TTLL12: variants seen among roughly 807,000 people sequenced by gnomAD.
TTLL12 encodes tubulin tyrosine ligase like 12.
A neutral mutation model predicts 79.6 loss-of-function variants in TTLL12; 77 were observed. The ratio of observed to expected loss-of-function variants is 0.97; its 90% CI spans 0.81 to 1.17. The LOEUF (loss-of-function observed/expected upper bound fraction) is 1.17, where lower values mean the gene tolerates loss of function less well. Ranked by LOEUF, TTLL12 falls within the 50% of genes most tolerant of loss-of-function variation. The pLI, the probability that TTLL12 is intolerant of heterozygous loss-of-function variation, is 0.00. For missense variants in TTLL12, 969 were observed against 895.9 expected (o/e 1.08, Z -1.04); for synonymous variants, 437 against 376.1 (o/e 1.16, Z -1.87).
In TTLL12 at chr22:43,167,519, G is replaced by A. The variant is rs1023560491; in HGVS notation, c.*489C>T. 13 of 208,434 alleles carry A rather than the reference G, an allele frequency of 6.2e-5. No individual in the cohort carries two copies. The highest frequency in any genetic ancestry group is 9.3e-5 in the African/African-American group (4 of 42,922). The allele number at this position is 208,434 out of a possible 1,614,324, so 12.9% of individuals were successfully genotyped here. A position where few individuals can be genotyped will look rare whatever the true frequency, so the allele number is the denominator to read the frequency against. ...TGTGGGGCCCCACAGCCGTCCCGGG[G>A]TCGTCCTGATGCATAAGAGCAGAGA... On this transcript the variant is annotated 3_prime_UTR_variant, in exon 14 of 14. Transcript: ENST00000216129.
Position 43,168,906 on chromosome 22 carries a change from T to C in TTLL12, c.1651A>G (p.Ile551Val), listed in dbSNP as rs371460098. The C allele has an allele frequency of 5.0e-5, 80 of 1,609,702 alleles. No individual in the cohort carries two copies. The highest frequency in any genetic ancestry group is 1.7e-4 in the Middle Eastern group (1 of 5,946). The part of the protein sequence containing the change: ...EFPWTDVQAE[I>V]FRAFTELFQV... ...AACAGCTCCGTGAAGGCCCGGAAGA[T>C]CTCAGCCTGGGGACCGGGGAGCCTG... Residue 551 changes from isoleucine (I) to valine (V), a missense_variant, in exon 13 of 14, where the codon ATC (isoleucine) becomes GTC (valine). By Grantham distance (29) the Ile-to-Val change is conservative. Coordinates refer to ENST00000216129, the MANE Select transcript of TTLL12 (RefSeq NM_015140.4).
chr22:43,184,696 C>T (rs552570312), intron 1 of TTLL12, among the ~76,000 whole-genome samples: 18 of 152,318 alleles, frequency 1.2e-4, no homozygotes, highest in South Asian at 4.1e-4. Flanking sequence ...GCTCAGAGGG[C>T]TGGAATCCAG....
Position 43,173,778 on chromosome 22 carries a change from G to A in TTLL12, c.1278C>T (p.Ser426=), listed in dbSNP as rs766439180. 2 of 1,605,016 alleles carry A rather than the reference G, an allele frequency of 1.2e-6. No homozygotes were observed. The highest frequency in any genetic ancestry group is 2.2e-5 in the East Asian group (1 of 44,872). ...WICKPWNLAR[S]LDTHVTKSLH... ...GGCTCTTGGTGACGTGGGTGTCCAG[G>A]CTGCGCGCCAGGTTCCAGGGCTTGC... Residue 426 remains serine, a synonymous_variant, in exon 9 of 14, where the codon AGC becomes AGT. Transcript: ENST00000216129.
chr22:43,171,793 T>C (rs746085174), intron 11 of TTLL12, 26 bp downstream of exon 11: 4 of 1,608,800 alleles, frequency 2.5e-6, no homozygotes, highest in Non-Finnish European at 3.4e-6. Flanking sequence ...TGTGTGAACC[T>C]GCTCTGCACC....
In TTLL12 at chr22:43,176,315, C is replaced by T. The variant is rs762373702; in HGVS notation, c.917+5G>A. ...CAGCCCAAGCAGTGGGGGGGGGCTA[C>T]GCACTTGAAGATGTGGCCGTGGGGG... On this transcript the variant is annotated splice_donor_5th_base_variant and intron_variant, in intron 6 of 13. Transcript: ENST00000216129. 30 of 1,582,982 alleles carry T rather than the reference C, an allele frequency of 1.9e-5. No individual in the cohort carries two copies. Among genetic ancestry groups the T allele is most frequent in the African/African-American group, 5.4e-5 (4 of 74,630 alleles).
intron 1 of TTLL12, chr22:43,186,089 C>CT (rs1169302472): frequency 2.2e-6 from 2 of 889,310 alleles, no homozygotes; most frequent in Admixed American, 1.2e-4. Flanking sequence ...GGTCCCTGTT[C>CT]TTGGCTCTGG....
At chr22:43,181,176 C>G (rs1022293690) in intron 2 of TTLL12, among the ~76,000 whole-genome samples, 4 of 152,182 alleles carry the variant, frequency 2.6e-5, no homozygotes, top group Admixed American at 2.0e-4. Context: ...TCAAGCTTCT[C>G]AAACAGGGCA....
At chr22:43,175,569 G>C (rs1931884164) in intron 6 of TTLL12, 1 of 152,274 alleles carries the variant, frequency 6.6e-6, no homozygotes, top group African/African-American at 2.4e-5. Context: ...ACAGGGGTGG[G>C]ATGGGGACCA....
In TTLL12 at chr22:43,176,309, G is replaced by GA. The variant is rs776680495; in HGVS notation, c.917+10_917+11insT. 9 of 1,577,710 alleles carry GA rather than the reference G, an allele frequency of 5.7e-6. No individual in the cohort carries two copies. The highest frequency in any genetic ancestry group is 6.9e-6 in the Non-Finnish European group (8 of 1,159,362). On this transcript the variant is annotated intron_variant, in intron 6 of 13. Coordinates refer to ENST00000216129, the MANE Select transcript of TTLL12 (RefSeq NM_015140.4). ...AAGTCCCAGCCCAAGCAGTGGGGGG[G>GA]GGCTACGCACTTGAAGATGTGGCCG...
intron 1 of TTLL12, 111 bp from the exon 2 acceptor site, chr22:43,183,260 C>T: frequency 2.2e-6 from 3 of 1,352,536 alleles, no homozygotes; most frequent in East Asian, 2.3e-5. Flanking sequence ...CAAGGACAAA[C>T]TTGTCTCCTT....
intron 1 of TTLL12, among the ~76,000 whole-genome samples, chr22:43,186,423 A>G (rs1243951575): frequency 6.6e-6 from 1 of 152,228 alleles, no homozygotes; most frequent in Non-Finnish European, 1.5e-5. Context: ...TTAACCTGCA[A>G]GATGAGGGGA....
rs554019706 is a variant in TTLL12 at position 43,186,917 on chromosome 22, G to A, written c.153C>T (p.Arg51=). The A allele has an allele frequency of 6.6e-4, 890 of 1,357,792 alleles. 19 individuals are homozygous for A. The South Asian group carries it at 0.013, about 20-fold the overall frequency. The allele number at this position is 1,357,792 out of a possible 1,614,324, so 84.1% of individuals were successfully genotyped here. ...CCTCGTGCTCCAGCTTGTGCAGGAG[G>A]CGGCCCCAGTAACGTTCGGGGACCC... ...ASGVPERYWG[R]LLHKLEHEVF... Residue 51 remains arginine (R), a synonymous_variant, in exon 1 of 14, where the codon CGC becomes CGT. Transcript: ENST00000216129.
intron 2 of TTLL12, among the ~76,000 whole-genome samples, chr22:43,181,560 G>A (rs1232056947): frequency 6.6e-6 from 1 of 152,232 alleles, no homozygotes; most frequent in African/African-American, 2.4e-5. Context: ...TGCTACAGAA[G>A]CATGCTGGGG....
Position 43,183,165 on chromosome 22 carries a change from C to T in TTLL12, c.178-16G>A. On this transcript the variant is annotated splice_polypyrimidine_tract_variant and intron_variant, in intron 1 of 13. Coordinates refer to ENST00000216129, the MANE Select transcript of TTLL12 (RefSeq NM_015140.4). ...CGTCGAAAACCTGGGGGCCAGAGTTCCCGTCAGCAGGGGTGTGGGCAGGAG... is the reference window on the plus strand; with the variant it reads ...CGTCGAAAACCTGGGGGCCAGAGTTTCCGTCAGCAGGGGTGTGGGCAGGAG... 1 of 1,613,320 alleles carries T rather than the reference C, an allele frequency of 6.2e-7. No individual in the cohort carries two copies. Among genetic ancestry groups the T allele is most frequent in the Non-Finnish European group, 8.5e-7 (1 of 1,179,592 alleles).
chr22:43,172,422 A>G lies in TTLL12; in HGVS notation c.1474T>C (p.Trp492Arg), dbSNP rs1393403209. The change falls in exon 10 of 14, where the codon TGG (tryptophan) becomes CGG (arginine). Residue 492 changes from tryptophan to arginine, a missense_variant. Transcript: ENST00000216129. ...PLRLFVYDVF[W>R]LRFSNRAFAL... ...ACTTACCGGTTGGAGAACCGCAGCC[A>G]GAACACATCATACACGAACAACCGT... The G allele has an allele frequency of 6.2e-7, 1 of 1,614,040 alleles. No homozygotes were observed. Among genetic ancestry groups the G allele is most frequent in the Non-Finnish European group, 8.5e-7 (1 of 1,180,016 alleles).
chr22:43,172,071 C>T (rs979126380), intron 10 of TTLL12, among the ~76,000 whole-genome samples, 171 bp from the exon 11 acceptor site: 3 of 152,206 alleles, frequency 2.0e-5, no homozygotes, highest in Admixed American at 6.5e-5. Flanking sequence ...AGCCCCACAG[C>T]CCCACTGAGC....
intron 5 of TTLL12, 98 bp from the exon 6 acceptor site, chr22:43,176,494 G>C (rs200132889): frequency 1.3e-5 from 12 of 955,160 alleles, no homozygotes; most frequent in African/African-American, 8.0e-5. Flanking sequence ...CTTTGAGAGG[G>C]TGAGGCAGGT....
intron 2 of TTLL12, among the ~76,000 whole-genome samples, 200 bp downstream of exon 2, chr22:43,182,780 G>A (rs138950): frequency 0.082 from 12,490 of 152,260 alleles, 672 homozygotes; most frequent in Non-Finnish European, 0.12. Flanking sequence ...CGGTCCATCC[G>A]GTCACCCCAG....
At chr22:43,173,375 A>T (rs879561261) in intron 9 of TTLL12, among the ~76,000 whole-genome samples, 2 of 152,136 alleles carry the variant, frequency 1.3e-5, no homozygotes, top group Admixed American at 6.5e-5. Context: ...CAGTGACGCG[A>T]TCACAGCTCA....
Sources: allele counts gnomAD v4.1 joint callset (sites outside exome capture counted in the v4.1 genomes callset), GRCh38; gene constraint gnomAD v4.1.1; transcripts MANE v1.5; gene names NCBI Gene and HGNC (gene_info 2026-07-23, HGNC 2026-07-21).